The following PPFIA2 variants were observed in gnomAD, a reference collection of about 807,000 sequenced individuals.
PPFIA2 encodes PPFI scaffold protein A2, also known as liprin-alpha-2.
A neutral mutation model predicts 175.5 loss-of-function variants in PPFIA2; 46 were observed. The observed-to-expected ratio is 0.26, with a 90% confidence interval of 0.21 to 0.34. The LOEUF (loss-of-function observed/expected upper bound fraction) is 0.34. Ranked by LOEUF, PPFIA2 falls within the 10% of genes least tolerant of loss-of-function variation. PPFIA2 has a pLI of 1.00. For synonymous variants in PPFIA2, 568 were observed against 511.4 expected, an observed-to-expected ratio of 1.11 and a Z score of -1.49; for missense variants, 1,179 against 1,506.1, an observed-to-expected ratio of 0.78 and a Z score of 3.60.
chr12:81,329,542 G>A (rs1011305470), intron 21 of PPFIA2, among the ~76,000 whole-genome samples: 4 of 152,038 alleles, frequency 2.6e-5, no homozygotes, highest in African/African-American at 7.2e-5. Flanking sequence ...GTGGGACAAC[G>A]ATCTACTGAT....
chr12:81,398,849 G>A (rs1419007891), intron 8 of PPFIA2, among the ~76,000 whole-genome samples: 3 of 151,876 alleles, frequency 2.0e-5, no homozygotes, highest in African/African-American at 4.8e-5. Context: ...CTTTCTTGAC[G>A]CTCGACAATA....
At chr12:81,297,627 C>T (rs1027843298) in intron 23 of PPFIA2, among the ~76,000 whole-genome samples, 1 of 152,200 alleles carries the variant, frequency 6.6e-6, no homozygotes, top group Non-Finnish European at 1.5e-5. Context: ...TTCAAAATAA[C>T]TAAACATCTA....
chr12:81,455,161 AAC>A (rs1291160059), intron 5 of PPFIA2, among the ~76,000 whole-genome samples: 1 of 152,232 alleles, frequency 6.6e-6, no homozygotes, highest in Non-Finnish European at 1.5e-5. Context: ...TAGAAAGAGA[AAC>A]AACTATAAAA....
intron 4 of PPFIA2, among the ~76,000 whole-genome samples, chr12:81,617,397 C>T (rs1435135464): frequency 6.6e-6 from 1 of 152,068 alleles, no homozygotes; most frequent in Non-Finnish European, 1.5e-5. Flanking sequence ...CTTTTGTATC[C>T]CTTTTAAGGT....
At chr12:81,529,535 A>G (rs2064194886) in intron 4 of PPFIA2, among the ~76,000 whole-genome samples, 1 of 148,118 alleles carries the variant, frequency 6.8e-6, no homozygotes, top group Non-Finnish European at 1.5e-5. Flanking sequence ...ACACACACAC[A>G]AAGAGTGGCG....
At chr12:81,684,204 A>C (rs2074102963) in intron 3 of PPFIA2, among the ~76,000 whole-genome samples, 1 of 152,122 alleles carries the variant, frequency 6.6e-6, no homozygotes, top group Non-Finnish European at 1.5e-5. Context: ...AAAACTAATT[A>C]TCTAAATCAG....
chr12:81,653,874 C>T (rs2067369888), intron 4 of PPFIA2, among the ~76,000 whole-genome samples: 1 of 151,828 alleles, frequency 6.6e-6, no homozygotes, highest in African/African-American at 2.4e-5. Context: ...GCCAGCCAAA[C>T]AAGTATCATT....
chr12:81,683,524 C>T (rs1408807243), intron 3 of PPFIA2, among the ~76,000 whole-genome samples: 1 of 152,006 alleles, frequency 6.6e-6, no homozygotes, highest in African/African-American at 2.4e-5. Flanking sequence ...AAAACACAAA[C>T]TTATTGCTAT....
intron 3 of PPFIA2, among the ~76,000 whole-genome samples, chr12:81,708,444 T>G (rs2077488936): frequency 7.5e-6 from 1 of 133,394 alleles, no homozygotes. Flanking sequence ...GTGAACCTCA[T>G]GCAAAAAGTT....
At chr12:81,591,709 C>A (rs979583087) in intron 4 of PPFIA2, among the ~76,000 whole-genome samples, 1 of 152,112 alleles carries the variant, frequency 6.6e-6, no homozygotes, top group Non-Finnish European at 1.5e-5. Flanking sequence ...TGCTGTTGAG[C>A]CTGTGGGTGC....
At chr12:81,693,342 G>C (rs1596457176) in intron 3 of PPFIA2, among the ~76,000 whole-genome samples, 1 of 152,076 alleles carries the variant, frequency 6.6e-6, no homozygotes, top group East Asian at 1.9e-4. Flanking sequence ...CTTGGTAATA[G>C]TGAGTTCTCA....
At chr12:81,530,705 T>C (rs999179653) in intron 4 of PPFIA2, among the ~76,000 whole-genome samples, 2 of 148,320 alleles carry the variant, frequency 1.3e-5, no homozygotes, top group African/African-American at 2.5e-5. Context: ...ACACAGTAAA[T>C]AGTAAGCCTG....
intron 4 of PPFIA2, among the ~76,000 whole-genome samples, chr12:81,502,733 T>C (rs1048021441): frequency 9.2e-5 from 14 of 152,186 alleles, no homozygotes; most frequent in Non-Finnish European, 1.9e-4. Context: ...CAGAAAGTAC[T>C]ACTCAAATGT....
chr12:81,399,555 A>G (rs2041783097), intron 8 of PPFIA2, among the ~76,000 whole-genome samples: 1 of 152,062 alleles, frequency 6.6e-6, no homozygotes. Context: ...TTCCTCGCCA[A>G]CTCAGCTTCT....
At chr12:81,553,782 CT>C (rs1349455188) in intron 4 of PPFIA2, among the ~76,000 whole-genome samples, 1 of 151,644 alleles carries the variant, frequency 6.6e-6, no homozygotes, top group African/African-American at 2.4e-5. Context: ...AATCAACTCC[CT>C]GGTCAGAAAA....
intron 4 of PPFIA2, among the ~76,000 whole-genome samples, chr12:81,615,037 A>G (rs1192219426): frequency 6.6e-6 from 1 of 152,210 alleles, no homozygotes; most frequent in African/African-American, 2.4e-5. Context: ...TGTGCAGAAT[A>G]TGAAAAAATA....
intron 3 of PPFIA2, among the ~76,000 whole-genome samples, chr12:81,692,558 G>A (rs995641973): frequency 1.3e-5 from 2 of 152,062 alleles, no homozygotes; most frequent in African/African-American, 4.8e-5. Context: ...TTTACAGGTT[G>A]AATCTTTTTA....
chr12:81,741,533 C>T lies in PPFIA2; in HGVS notation c.249+12440G>A, dbSNP rs550379412. Reference sequence around the variant, plus strand: ...AAAGAATCCCCTGACTCAAGCTTGTCCAACCTGGGGCCCACAGGCCACAAG... The same window carrying T: ...AAAGAATCCCCTGACTCAAGCTTGTTCAACCTGGGGCCCACAGGCCACAAG... On this transcript the variant is annotated intron_variant, in intron 3 of 32. Coordinates refer to ENST00000549396, the MANE Select transcript of PPFIA2 (RefSeq NM_003625.5). Among the ~76,000 whole-genome samples the T allele has an allele frequency of 5.2e-3, 791 of 152,208 alleles. 7 individuals carry two copies. The highest frequency in any genetic ancestry group is 8.0e-3 in the Non-Finnish European group (544 of 68,002).
chr12:81,587,168 A>T (rs1174812944), intron 4 of PPFIA2, among the ~76,000 whole-genome samples: 1 of 152,048 alleles, frequency 6.6e-6, no homozygotes, highest in Non-Finnish European at 1.5e-5. Context: ...CCCCATCCAA[A>T]TATCATCTTG....
Sources: gnomAD v4.1 joint callset for allele counts (sites outside exome capture counted in the v4.1 genomes callset) on GRCh38, gnomAD v4.1.1 for gene constraint, MANE v1.5 for transcripts, NCBI Gene and HGNC (gene_info 2026-07-23, HGNC 2026-07-21) for gene names.